The following SLC16A2 variants were observed in gnomAD, a reference collection of about 807,000 sequenced individuals.
SLC16A2 encodes the protein monocarboxylate transporter 8.
In SLC16A2, 3 loss-of-function variants were observed where a neutral mutation model predicts 27.2. That is an observed-to-expected ratio of 0.11 (90% CI 0.05 to 0.28). SLC16A2 has a LOEUF of 0.28. Among genes scored for constraint, SLC16A2 ranks in the 10% least tolerant of loss-of-function variants. The pLI is 1.00. For missense variants in SLC16A2, 295 were observed against 458.5 expected (o/e 0.64, Z 3.26); for synonymous variants, 202 against 187.8 (o/e 1.08, Z -0.62).
At position 74,473,814 on chromosome X, in the gene SLC16A2, C is replaced by T. The variant is rs1602120824; in HGVS notation, c.431-47176C>T. 7.3e-6 allele frequency: 4 copies of T among 544,618 alleles called. No homozygotes were observed. In the East Asian group the frequency reaches 1.3e-4, roughly 18 times the overall value. The allele number at this position is 544,618 out of a possible 1,213,427, so 44.9% of individuals were successfully genotyped here. ...GGCTTGGTGTTTGGATCACTCATTA[C>T]CACACAGTCTGTGAGCATTCCCCAT... On this transcript the variant is annotated intron_variant, in intron 1 of 5. Transcript: ENST00000587091.
rs184066765 is a variant in SLC16A2 at position 74,448,083 on chromosome X, A to G, written c.430+26016A>G. On this transcript the variant is annotated intron_variant, in intron 1 of 5. Coordinates refer to ENST00000587091, the MANE Select transcript of SLC16A2 (RefSeq NM_006517.5). ...CCAAACCTGCCATACAGGGCTAGAAAGTTCTCAGCAGTCATCCATCCCAAC... is the reference window on the plus strand; with the variant it reads ...CCAAACCTGCCATACAGGGCTAGAAGGTTCTCAGCAGTCATCCATCCCAAC... 2.7e-5 allele frequency among the ~76,000 whole-genome samples: 3 copies of G among 111,587 alleles called. No individual in the cohort carries two copies. In the East Asian group the frequency reaches 8.5e-4, roughly 31 times the overall value.
rs1255079813 is a variant in SLC16A2 at position 74,448,973 on chromosome X, A to T, written c.430+26906A>T. ...CTTTAGCTGTGCTTATCACTCTCAT[A>T]GCACTGTGTTTCACCCTGCCCAATT... On this transcript the variant is annotated intron_variant, in intron 1 of 5. Transcript: ENST00000587091. 2.7e-5 allele frequency among the ~76,000 whole-genome samples: 3 copies of T among 111,533 alleles called. No homozygotes were observed. In the Admixed American group the frequency reaches 2.9e-4, roughly 11 times the overall value.
chrX:74,443,688 A>G (rs1928791654), intron 1 of SLC16A2, among the ~76,000 whole-genome samples: 1 of 112,287 alleles, frequency 8.9e-6, no homozygotes. Context: ...AAATTCCTGC[A>G]AAATGGGCTC....
Position 74,529,227 on chromosome X carries a change from G to A in SLC16A2, c.1185G>A (p.Leu395=). 1 of 1,210,686 alleles carries A rather than the reference G, an allele frequency of 8.3e-7. No homozygotes were observed. The highest frequency in any genetic ancestry group is 1.1e-6 in the Non-Finnish European group (1 of 894,445). ...KKIYLQVLSF[L]LLGLMSMMIP... ...TGTTTCTCCAGGTCCTTTCCTTCCT[G>A]CTCCTGGGCCTGATGTCCATGATGA... The change falls in exon 5 of 6, where the codon CTG becomes CTA. Residue 395 remains leucine, a synonymous_variant. Coordinates refer to ENST00000587091, the MANE Select transcript of SLC16A2 (RefSeq NM_006517.5).
At chrX:74,521,250 C>T (rs778025088) in intron 2 of SLC16A2, 116 bp downstream of exon 2, 755 of 898,150 alleles carry the variant, frequency 8.4e-4, no homozygotes, top group Non-Finnish European at 1.1e-3. Flanking sequence ...CCCTGTAGGG[C>T]CCTCAAAGAT....
intron 1 of SLC16A2, among the ~76,000 whole-genome samples, chrX:74,486,274 A>T (rs1053107276): frequency 6.2e-5 from 7 of 112,315 alleles, no homozygotes; most frequent in African/African-American, 2.3e-4. Flanking sequence ...AAATCCAGCT[A>T]GTCCTGTCTC....
At chrX:74,514,303 G>GA (rs1482697232) in intron 1 of SLC16A2, among the ~76,000 whole-genome samples, 3 of 110,122 alleles carry the variant, frequency 2.7e-5, no homozygotes, top group African/African-American at 9.9e-5. Flanking sequence ...CAAAAGACGG[G>GA]AAAAGGGGCA....
At chrX:74,506,362 G>C (rs1163759425) in intron 1 of SLC16A2, among the ~76,000 whole-genome samples, 4 of 111,799 alleles carry the variant, frequency 3.6e-5, no homozygotes, top group Non-Finnish European at 7.5e-5. Context: ...ACAACAGAAA[G>C]ATCATTGATC....
At chrX:74,452,385 G>C (rs1246521050) in intron 1 of SLC16A2, among the ~76,000 whole-genome samples, 2 of 111,856 alleles carry the variant, frequency 1.8e-5, no homozygotes, top group African/African-American at 6.5e-5. Context: ...CAACACAGAA[G>C]GGTGAAGGCC....
At chrX:74,530,375 C>T (rs1341415625) in intron 5 of SLC16A2, among the ~76,000 whole-genome samples, 1 of 112,149 alleles carries the variant, frequency 8.9e-6, no homozygotes, top group Non-Finnish European at 1.9e-5. Context: ...GCTGGGATTA[C>T]AGGCGTGAGC....
intron 1 of SLC16A2, among the ~76,000 whole-genome samples, chrX:74,493,622 TTTTCATTTGACGAGCTGC>T (rs1198297141): frequency 1.8e-5 from 2 of 112,384 alleles, no homozygotes; most frequent in Non-Finnish European, 1.9e-5. Flanking sequence ...AATGCAGATT[TTTTCATTTGACGAGCTGC>T]TTTCCTAGAA....
intron 1 of SLC16A2, among the ~76,000 whole-genome samples, chrX:74,436,908 C>A (rs1435510984): frequency 4.5e-5 from 5 of 111,995 alleles, no homozygotes; most frequent in Non-Finnish European, 9.4e-5. Context: ...ATAATTAAAT[C>A]TATGTTTTTC....
intron 1 of SLC16A2, among the ~76,000 whole-genome samples, chrX:74,486,665 A>G (rs1929726056): frequency 8.9e-6 from 1 of 112,415 alleles, no homozygotes; most frequent in African/African-American, 3.2e-5. Flanking sequence ...ACCATTGTGG[A>G]AGACAGTGTG....
At chrX:74,444,193 A>G (rs1237242238) in intron 1 of SLC16A2, among the ~76,000 whole-genome samples, 4 of 110,748 alleles carry the variant, frequency 3.6e-5, no homozygotes, top group Non-Finnish European at 3.8e-5. Flanking sequence ...TACAAAAACC[A>G]CTCATTCTTC....
chrX:74,524,294 A>G (rs1930454367), intron 2 of SLC16A2, 65 bp from the exon 3 acceptor site: 1 of 1,120,230 alleles, frequency 8.9e-7, no homozygotes, highest in Non-Finnish European at 1.2e-6. Flanking sequence ...CAGGAAGCTG[A>G]CAGGGGAGGG....
At position 74,478,727 on chromosome X, in the gene SLC16A2, C is replaced by T. The variant is rs1238963647; in HGVS notation, c.431-42263C>T. Among the ~76,000 whole-genome samples, 6 of 110,747 alleles carry T rather than the reference C, an allele frequency of 5.4e-5. No homozygotes were observed. The Admixed American group carries it at 5.8e-4, about 11-fold the overall frequency. ...TGCTTGTCTGTAAAGGATTTTATTT[C>T]TCCTTCACTTATGAAGCTTAGTTTG... On this transcript the variant is annotated intron_variant, in intron 1 of 5. Coordinates refer to ENST00000587091, the MANE Select transcript of SLC16A2 (RefSeq NM_006517.5).
chrX:74,424,879 G>C (rs913902692), intron 1 of SLC16A2, among the ~76,000 whole-genome samples: 1 of 111,626 alleles, frequency 9.0e-6, no homozygotes, highest in African/African-American at 3.3e-5. Context: ...TATTTTTAGA[G>C]ATGGGATCTT....
At chrX:74,494,389 C>T (rs899331165) in intron 1 of SLC16A2, among the ~76,000 whole-genome samples, 2 of 111,058 alleles carry the variant, frequency 1.8e-5, no homozygotes, top group African/African-American at 6.6e-5. Context: ...TCATTGGATC[C>T]GTAAGTATTT....
At chrX:74,476,130 ATTTG>A (rs1929471933) in intron 1 of SLC16A2, among the ~76,000 whole-genome samples, 1 of 111,651 alleles carries the variant, frequency 9.0e-6, no homozygotes, top group Non-Finnish European at 1.9e-5. Context: ...ATGTTCTTCC[ATTTG>A]TTTGTATCCT....
Sources: gnomAD v4.1 joint callset for allele counts (sites outside exome capture counted in the v4.1 genomes callset) on GRCh38, gnomAD v4.1.1 for gene constraint, MANE v1.5 for transcripts, NCBI Gene and HGNC (gene_info 2026-07-23, HGNC 2026-07-21) for gene names.